BRD10: variants seen among roughly 807,000 people sequenced by gnomAD.
The protein encoded by BRD10 is bromodomain containing 10.
chr9:5,930,369 T>TTTTTTATATATATATATATATATATA, the BRD10 span, among the ~76,000 whole-genome samples: 1 of 135,534 alleles, frequency 7.4e-6, no homozygotes, highest in South Asian at 2.5e-4. Flanking sequence ...TATAAGGAGA[T>TTTTTTATATATATATATATATATATA]TATATATATA....
chr9:5,973,607 G>A, the BRD10 span, among the ~76,000 whole-genome samples: 2 of 152,102 alleles, frequency 1.3e-5, no homozygotes, highest in East Asian at 3.9e-4. Context: ...AAATTGATTG[G>A]GCTGGGTGTG....
the BRD10 span, among the ~76,000 whole-genome samples, chr9:5,879,350 G>C: frequency 6.6e-6 from 1 of 151,736 alleles, no homozygotes; most frequent in African/African-American, 2.4e-5. Flanking sequence ...GCCTGGGAAG[G>C]GCAACAGAGC....
the BRD10 span, among the ~76,000 whole-genome samples, chr9:5,994,625 G>C: frequency 1.3e-5 from 2 of 152,138 alleles, no homozygotes; most frequent in Admixed American, 1.3e-4. Flanking sequence ...TAGATAACCA[G>C]TTGAGACCCA....
At chr9:5,943,898 T>G in the BRD10 span, among the ~76,000 whole-genome samples, 1 of 152,188 alleles carries the variant, frequency 6.6e-6, no homozygotes, top group African/African-American at 2.4e-5. Flanking sequence ...TGTTTCACCC[T>G]AGTACTAAGT....
chr9:5,908,025 A>G, the BRD10 span, among the ~76,000 whole-genome samples: 30 of 152,218 alleles, frequency 2.0e-4, no homozygotes, highest in Admixed American at 2.0e-3. Context: ...ACTAGTACAT[A>G]TACAACACAG....
the BRD10 span, among the ~76,000 whole-genome samples, chr9:5,939,951 C>G: frequency 6.6e-6 from 1 of 152,120 alleles, no homozygotes; most frequent in African/African-American, 2.4e-5. Flanking sequence ...AACTCTGTGA[C>G]CAAAAAACTG....
chr9:5,951,739 A>G, the BRD10 span, among the ~76,000 whole-genome samples: 6 of 152,302 alleles, frequency 3.9e-5, no homozygotes, highest in Non-Finnish European at 8.8e-5. Context: ...GACAAAACTA[A>G]GTTTTGCATT....
chr9:5,953,446 T>C, the BRD10 span, among the ~76,000 whole-genome samples: 1 of 152,106 alleles, frequency 6.6e-6, no homozygotes, highest in East Asian at 1.9e-4. Context: ...GTACAGATAA[T>C]TACTTTTTCT....
At chr9:5,885,385 T>TG in the BRD10 span, among the ~76,000 whole-genome samples, 15 of 151,340 alleles carry the variant, frequency 9.9e-5, no homozygotes, top group Admixed American at 2.6e-4. Context: ...TTATCTCTTT[T>TG]TTTTTTTTCA....
the BRD10 span, chr9:6,008,213 C>G: frequency 2.0e-6 from 2 of 980,172 alleles, no homozygotes; most frequent in Non-Finnish European, 2.4e-6. Context: ...CTCTCCCCTC[C>G]CCGGAGGGGG....
chr9:5,880,388 T>C, the BRD10 span, among the ~76,000 whole-genome samples: 2 of 151,940 alleles, frequency 1.3e-5, no homozygotes, highest in African/African-American at 2.4e-5. Context: ...GGCACGCGCC[T>C]GTAATCCCAG....
the BRD10 span, among the ~76,000 whole-genome samples, chr9:5,983,029 A>C: frequency 6.6e-6 from 1 of 152,232 alleles, no homozygotes; most frequent in Non-Finnish European, 1.5e-5. Context: ...GAATCAGTGC[A>C]TGTGGAACCT....
chr9:5,997,491 C>A, the BRD10 span, among the ~76,000 whole-genome samples: 1 of 150,948 alleles, frequency 6.6e-6, no homozygotes, highest in African/African-American at 2.4e-5. Context: ...AAAATAAATT[C>A]TAAAGTCACA....
At chr9:5,922,111 C>T in the BRD10 span, 7 of 1,613,936 alleles carry the variant, frequency 4.3e-6, no homozygotes, top group South Asian at 1.1e-5. Flanking sequence ...CTGGGTTGGT[C>T]TGTACTTTTA....
the BRD10 span, chr9:5,924,949 T>A: frequency 1.2e-6 from 1 of 827,822 alleles, no homozygotes; most frequent in Non-Finnish European, 1.7e-6. Flanking sequence ...TATTTTTTAT[T>A]AAGTCACTAG....
At chr9:5,958,030 G>A in the BRD10 span, among the ~76,000 whole-genome samples, 1 of 152,108 alleles carries the variant, frequency 6.6e-6, no homozygotes, top group African/African-American at 2.4e-5. Flanking sequence ...GCTGAAATCA[G>A]AAGTCAAATT....
chr9:5,898,526 T>C, the BRD10 span, among the ~76,000 whole-genome samples: 10 of 152,186 alleles, frequency 6.6e-5, no homozygotes, highest in Non-Finnish European at 1.0e-4. Context: ...GGGGACACAT[T>C]CAAACTATAG....
chr9:5,944,932 C>A, the BRD10 span: 1 of 1,540,900 alleles, frequency 6.5e-7, no homozygotes, highest in East Asian at 2.4e-5. Flanking sequence ...GATTAATTCC[C>A]TGAGTTCATC....
At chr9:5,999,914 G>A in the BRD10 span, among the ~76,000 whole-genome samples, 2 of 152,070 alleles carry the variant, frequency 1.3e-5, no homozygotes, top group African/African-American at 4.8e-5. Context: ...CTTCTTGCAT[G>A]CTTTTGAACA....
Sources: gnomAD v4.1 joint callset for allele counts (sites outside exome capture counted in the v4.1 genomes callset) on GRCh38, gnomAD v4.1.1 for gene constraint, MANE v1.5 for transcripts, NCBI Gene and HGNC (gene_info 2026-07-23, HGNC 2026-07-21) for gene names.